Variants in TRHDE observed in about 807,000 individuals in gnomAD.
The protein encoded by TRHDE is thyrotropin releasing hormone degrading enzyme, also known as thyrotropin-releasing hormone-degrading ectoenzyme.
A neutral mutation model predicts 125.7 loss-of-function variants in TRHDE; 72 were observed. The observed-to-expected ratio is 0.57, with a 90% CI of 0.47 to 0.70. TRHDE has a LOEUF of 0.70. Ranked by LOEUF, TRHDE falls within the 30% of genes least tolerant of loss-of-function variation. The pLI is 0.00. For missense variants in TRHDE, 1,110 were observed against 1,327.1 expected (o/e 0.84, Z 2.54); for synonymous variants, 509 against 509.1 (o/e 1.00, Z 0.00).
At chr12:72,621,867 G>A in intron 15 of TRHDE, 116 bp downstream of exon 15, 1 of 746,922 alleles carries the variant, frequency 1.3e-6, no homozygotes, top group Non-Finnish European at 2.1e-6. Context: ...ACAAAAGCAT[G>A]CAGCAACATT....
At chr12:72,381,107 G>A (rs997230158) in intron 3 of TRHDE, among the ~76,000 whole-genome samples, 1 of 152,072 alleles carries the variant, frequency 6.6e-6, no homozygotes, top group African/African-American at 2.4e-5. Context: ...AACTTGGGGG[G>A]TGAGTACACT....
intron 3 of TRHDE, among the ~76,000 whole-genome samples, chr12:72,433,772 C>A (rs368192854): frequency 6.3e-4 from 94 of 148,916 alleles, no homozygotes; most frequent in African/African-American, 2.2e-3. Context: ...TTGAGACATA[C>A]AGAGTCTGGC....
intron 6 of TRHDE, among the ~76,000 whole-genome samples, chr12:72,511,098 A>G (rs1878564324): frequency 6.6e-6 from 1 of 152,178 alleles, no homozygotes; most frequent in Non-Finnish European, 1.5e-5. Context: ...ACATTTTAAT[A>G]TGAAGTACTT....
chr12:72,312,893 C>A (rs1341391315), intron 2 of TRHDE, among the ~76,000 whole-genome samples: 1 of 152,118 alleles, frequency 6.6e-6, no homozygotes, highest in Non-Finnish European at 1.5e-5. Flanking sequence ...TATACATCAA[C>A]AAACATCTAG....
chr12:72,444,259 T>G (rs1368743614), intron 3 of TRHDE, among the ~76,000 whole-genome samples: 1 of 151,872 alleles, frequency 6.6e-6, no homozygotes, highest in Admixed American at 6.6e-5. Flanking sequence ...TAGTCACACT[T>G]GTAACCCCCA....
intron 1 of TRHDE, among the ~76,000 whole-genome samples, chr12:72,282,310 T>A (rs1411475984): frequency 2.0e-5 from 3 of 152,258 alleles, no homozygotes; most frequent in Admixed American, 2.0e-4. Context: ...TTATTATACT[T>A]GGTATTCTGC....
Position 72,273,645 on chromosome 12 carries a change from G to C in TRHDE, c.914+88G>C. 1 of 1,327,074 alleles carries C rather than the reference G, an allele frequency of 7.5e-7. No homozygotes were observed. The highest frequency in any genetic ancestry group is 1.0e-6 in the Non-Finnish European group (1 of 972,080). The allele number at this position is 1,327,074 out of a possible 1,614,324, so 82.2% of individuals were successfully genotyped here. On this transcript the variant is annotated intron_variant, in intron 1 of 18. Coordinates refer to ENST00000261180, the MANE Select transcript of TRHDE (RefSeq NM_013381.3). This position sits in a 1 kb window ranked among gnomAD's most constrained non-coding sequence, Gnocchi z 5.3. ...GCCTGCGACCCCGGGGACCCAGCTG[G>C]CTTCCAATACCCGGGAAGCCAGGGG...
intron 12 of TRHDE, among the ~76,000 whole-genome samples, chr12:72,605,841 C>T (rs947773915): frequency 3.3e-5 from 5 of 152,032 alleles, no homozygotes; most frequent in South Asian, 2.1e-4. Context: ...GTTTCTTTGA[C>T]GAGCTCTAAT....
chr12:72,343,832 C>T (rs1870192965), intron 2 of TRHDE, among the ~76,000 whole-genome samples: 1 of 152,070 alleles, frequency 6.6e-6, no homozygotes. Context: ...GATCCCTTCT[C>T]AGGGCTGGGG....
rs576966270 is a variant in TRHDE, at chr12:72,157,060, G to A, written n.279+51308G>A. 2.0e-5 allele frequency among the ~76,000 whole-genome samples: 3 copies of A among 152,222 alleles called. No individual in the cohort carries two copies. In the East Asian group the frequency reaches 5.8e-4, roughly 29 times the overall value. On this transcript the variant is annotated intron_variant and non_coding_transcript_variant, in intron 2 of 4. Coordinates refer to the TRHDE transcript ENST00000548156. The stretch of plus-strand genomic sequence containing the variant: ...AACAAGTGAGCCAAGCCAATATCTG[G>A]GGGATGATTGTTCTGGGCAGAGGAA...
rs538823843 is a variant in TRHDE, at chr12:72,564,653, A to ATTTTTTTTT, written c.2042+1637_2042+1645dup. Among the ~76,000 whole-genome samples, 410 of 54,316 alleles carry ATTTTTTTTT rather than the reference A, an allele frequency of 7.5e-3. 90 individuals are homozygous for ATTTTTTTTT. Among genetic ancestry groups the ATTTTTTTTT allele is most frequent in the Non-Finnish European group, 0.01 (317 of 30,572 alleles). The allele number at this position is 54,316 out of a possible 152,430, so 35.6% of individuals were successfully genotyped here. ...TGGAATTATAAAATCATGCGTATGA[A>ATTTTTTTTT]TTTTTTTTTTTTTTTTTTTTTTTTT... On this transcript the variant is annotated intron_variant, in intron 9 of 18. Transcript: ENST00000261180.
intron 12 of TRHDE, among the ~76,000 whole-genome samples, chr12:72,614,428 T>C (rs999995108): frequency 2.0e-5 from 3 of 151,128 alleles, no homozygotes; most frequent in East Asian, 1.9e-4. Flanking sequence ...TCAAGGACTA[T>C]TGGGATTTCC....
At chr12:72,205,825 A>G (rs1186721030) in intron 2 of TRHDE, among the ~76,000 whole-genome samples, 1 of 152,212 alleles carries the variant, frequency 6.6e-6, no homozygotes, top group Non-Finnish European at 1.5e-5. Context: ...ATGTTCAAAT[A>G]TCTCTTTGAG....
chr12:72,539,937 A>G (rs1359442146), intron 6 of TRHDE, among the ~76,000 whole-genome samples: 3 of 151,834 alleles, frequency 2.0e-5, no homozygotes. Context: ...AAGGTAATGT[A>G]AGTTACAATA....
Position 72,433,652 on chromosome 12 carries a change from C to T in TRHDE, c.1316-36106C>T, listed in dbSNP as rs1404624043. ...GCATGAGGAGCTCCATAAAACCCCTCCTCTCACACATACAAAAGCTACCTG... is the reference window on the plus strand; with the variant it reads ...GCATGAGGAGCTCCATAAAACCCCTTCTCTCACACATACAAAAGCTACCTG... On this transcript the variant is annotated intron_variant, in intron 3 of 18. Transcript: ENST00000261180. Among the ~76,000 whole-genome samples, 7 of 152,038 alleles carry T rather than the reference C, an allele frequency of 4.6e-5. No homozygotes were observed. In the East Asian group the frequency reaches 1.4e-3, roughly 29 times the overall value.
At chr12:72,224,130 CTATCTATCTATTTATCTATGTATG>C (rs1277434200) in intron 2 of TRHDE, among the ~76,000 whole-genome samples, 115 of 80,614 alleles carry the variant, frequency 1.4e-3, no homozygotes, top group African/African-American at 2.2e-3. Context: ...ATCTATCTAT[CTATCTATCTATTTATCTATGTATG>C]TATGTATGTA....
intron 12 of TRHDE, among the ~76,000 whole-genome samples, chr12:72,606,576 G>T (rs1303529623): frequency 2.5e-4 from 38 of 152,114 alleles, no homozygotes; most frequent in Admixed American, 2.5e-3. Context: ...AGACTAAAAT[G>T]GTCACCTTTC....
chr12:72,182,771 C>T (rs1877120547), intron 2 of TRHDE, among the ~76,000 whole-genome samples: 1 of 152,188 alleles, frequency 6.6e-6, no homozygotes, highest in African/African-American at 2.4e-5. Context: ...CAGATAGATC[C>T]TGTTCAGGGA....
At chr12:72,374,864 C>G (rs1323236624) in intron 2 of TRHDE, among the ~76,000 whole-genome samples, 1 of 152,084 alleles carries the variant, frequency 6.6e-6, no homozygotes, top group East Asian at 1.9e-4. Flanking sequence ...TAGGTGAATG[C>G]CCTACTTGCA....
Sources: allele counts gnomAD v4.1 joint callset (sites outside exome capture counted in the v4.1 genomes callset), GRCh38; gene constraint gnomAD v4.1.1; non-coding constraint Gnocchi (gnomAD v3.1); transcripts MANE v1.5; gene names NCBI Gene and HGNC (gene_info 2026-07-23, HGNC 2026-07-21).